LRRC4B: variants seen among roughly 807,000 people sequenced by gnomAD.
LRRC4B encodes leucine rich repeat containing 4B, also known as leucine-rich repeat-containing protein 4B.
Under a neutral mutation model 7.3 loss-of-function variants are expected in LRRC4B, and 1 was observed. The observed-to-expected ratio is 0.14, with a 90% CI of 0.05 to 0.65. LRRC4B has a LOEUF of 0.65. LRRC4B is among the 30% of genes least tolerant of loss of function. The probability of loss-of-function intolerance (pLI) is 0.84; values close to 1 mark genes in which losing one functional copy is unlikely to be tolerated. For missense variants in LRRC4B, 730 were observed against 1,041.6 expected (o/e 0.70, Z 4.12); for synonymous variants, 500 against 499.2 (o/e 1.00, Z -0.02).
At chr19:50,520,203 CAA>C (rs1173919963) in intron 2 of LRRC4B, among the ~76,000 whole-genome samples, 1 of 9,382 alleles carries the variant, frequency 1.1e-4, no homozygotes, top group Non-Finnish European at 1.9e-4. Flanking sequence ...AATACCCTGT[CAA>C]AAAAAAAAAA....
At chr19:50,535,147 C>CGA in intron 2 of LRRC4B, among the ~76,000 whole-genome samples, 1 of 151,944 alleles carries the variant, frequency 6.6e-6, no homozygotes, top group Admixed American at 6.6e-5. Flanking sequence ...GGATTACAGG[C>CGA]GTGACCCACC....
At chr19:50,565,669 G>A (rs896988133) in intron 1 of LRRC4B, among the ~76,000 whole-genome samples, 1 of 151,764 alleles carries the variant, frequency 6.6e-6, no homozygotes, top group Non-Finnish European at 1.5e-5. Context: ...AGTCAGAAGC[G>A]GCCTCTAATC....
At chr19:50,549,342 C>G (rs74435432) in intron 1 of LRRC4B, among the ~76,000 whole-genome samples, 4 of 152,338 alleles carry the variant, frequency 2.6e-5, no homozygotes, top group Admixed American at 2.0e-4. Flanking sequence ...TCCCAACACC[C>G]GCCCGGTCCC....
At chr19:50,524,181 AAAT>A (rs1180403745) in intron 2 of LRRC4B, among the ~76,000 whole-genome samples, 2 of 152,212 alleles carry the variant, frequency 1.3e-5, no homozygotes, top group Non-Finnish European at 2.9e-5. Flanking sequence ...CAGAATCATA[AAAT>A]AATAATAATG....
Position 50,548,416 on chromosome 19 carries a change from G to C in LRRC4B, c.297+126C>G, listed in dbSNP as rs1599779307. The C allele has an allele frequency of 7.6e-7, 1 of 1,314,794 alleles. No individual in the cohort carries two copies. Among genetic ancestry groups the C allele is most frequent in the Admixed American group, 2.1e-5 (1 of 48,204 alleles). 81.4% of individuals were successfully genotyped at this position (1,314,794 alleles called of 1,614,324 possible). The stretch of plus-strand genomic sequence containing the variant: ...CAGCTGATAGGATGCAGACCCGCAG[G>C]CCACATCCACAGGTGCCGGAGACGG... On this transcript the variant is annotated intron_variant, in intron 2 of 2. Coordinates refer to ENST00000652263, the MANE Select transcript of LRRC4B (RefSeq NM_001080457.2). This position sits in a 1 kb window ranked among gnomAD's most constrained non-coding sequence, Gnocchi z 6.8.
At chr19:50,520,304 T>C (rs1601369991) in intron 2 of LRRC4B, among the ~76,000 whole-genome samples, 1 of 133,938 alleles carries the variant, frequency 7.5e-6, no homozygotes, top group Non-Finnish European at 1.6e-5. Context: ...GAAAAAAAGA[T>C]AGTTACTTAG....
chr19:50,547,180 G>C (rs1981852673), intron 2 of LRRC4B, among the ~76,000 whole-genome samples: 1 of 152,204 alleles, frequency 6.6e-6, no homozygotes, highest in Non-Finnish European at 1.5e-5. Context: ...AAAGCAAACT[G>C]GCAGACATGG....
intron 2 of LRRC4B, among the ~76,000 whole-genome samples, chr19:50,535,360 C>T (rs1181863848): frequency 1.4e-4 from 22 of 151,968 alleles, no homozygotes; most frequent in African/African-American, 5.3e-4. Context: ...TTAGTAGAGA[C>T]AAGGTTTCAC....
rs560224118 is a variant in LRRC4B, at chr19:50,518,423, G to A, written c.1290C>T (p.Asp430=). The change falls in exon 3 of 3, where the codon GAC becomes GAT. Residue 430 remains aspartate, a synonymous_variant. Transcript: ENST00000652263. ...TLNFTNVTVQ[D]TGQYTCMVTN... is the part of the protein sequence containing the mutation. Reference sequence around the variant, plus strand: ...TCACCATGCACGTGTACTGGCCCGTGTCCTGCACGGTGACGTTGGTGAAGT... The same window carrying A: ...TCACCATGCACGTGTACTGGCCCGTATCCTGCACGGTGACGTTGGTGAAGT... 1.9e-6 allele frequency: 3 copies of A among 1,559,452 alleles called. No homozygotes were observed. The highest frequency in any genetic ancestry group is 1.9e-5 in the Admixed American group (1 of 52,248).
intron 1 of LRRC4B, among the ~76,000 whole-genome samples, chr19:50,567,500 C>T (rs1352183297): frequency 3.3e-5 from 5 of 151,836 alleles, no homozygotes; most frequent in Admixed American, 3.3e-4. Context: ...CTCCCCATCA[C>T]TGGCGTGCCC....
intron 2 of LRRC4B, among the ~76,000 whole-genome samples, chr19:50,545,112 CA>C (rs778283731): frequency 1.5e-3 from 187 of 122,014 alleles, no homozygotes; most frequent in Non-Finnish European, 1.5e-3. Flanking sequence ...GACTCCATCT[CA>C]AAAAAAAAAA....
At position 50,517,347 on chromosome 19, in the gene LRRC4B, G is replaced by T; in HGVS notation, c.*224C>A. On this transcript the variant is annotated 3_prime_UTR_variant, in exon 3 of 3. Coordinates refer to ENST00000652263, the MANE Select transcript of LRRC4B (RefSeq NM_001080457.2). This position sits in a 1 kb window ranked among gnomAD's most constrained non-coding sequence, Gnocchi z 6.6. ...CGTCCCCTCCCGTCACCGGGGATTGGCGGGGGTGAGGCGAGGATCCCAGAG... is the reference window on the plus strand; with the variant it reads ...CGTCCCCTCCCGTCACCGGGGATTGTCGGGGGTGAGGCGAGGATCCCAGAG... 5.2e-6 allele frequency: 2 copies of T among 385,186 alleles called. No individual in the cohort carries two copies. The highest frequency in any genetic ancestry group is 9.1e-6 in the Non-Finnish European group (2 of 219,224). 23.9% of individuals were successfully genotyped at this position (385,186 alleles called of 1,614,324 possible).
At chr19:50,554,125 C>T (rs1982194398) in intron 1 of LRRC4B, among the ~76,000 whole-genome samples, 2 of 151,452 alleles carry the variant, frequency 1.3e-5, no homozygotes, top group South Asian at 4.2e-4. Flanking sequence ...TCCTGAGTAG[C>T]TGAGACTACA....
In LRRC4B at chr19:50,519,445, G is replaced by A. The variant is rs1218306870; in HGVS notation, c.298-30C>T. 9 of 1,534,084 alleles carry A rather than the reference G, an allele frequency of 5.9e-6. No homozygotes were observed. The highest frequency in any genetic ancestry group is 7.9e-6 in the Non-Finnish European group (9 of 1,145,060). On this transcript the variant is annotated intron_variant, in intron 2 of 2. Coordinates refer to ENST00000652263, the MANE Select transcript of LRRC4B (RefSeq NM_001080457.2). The surrounding 1 kb of genome is among the most constrained non-coding windows in gnomAD (Gnocchi z 8.1). The stretch of plus-strand genomic sequence containing the variant: ...GGAGAGGGAGACACGGATCAGTCAC[G>A]GAGATACTGACGGGGACCGTGGGGG...
At chr19:50,525,808 C>T (rs536742773) in intron 2 of LRRC4B, among the ~76,000 whole-genome samples, 1 of 152,242 alleles carries the variant, frequency 6.6e-6, no homozygotes, top group South Asian at 2.1e-4. Context: ...TCCAGCCTCT[C>T]CTCTCCATGC....
Position 50,548,526 on chromosome 19 carries a change from C to T in LRRC4B, c.297+16G>A, listed in dbSNP as rs1192396328. On this transcript the variant is annotated intron_variant, in intron 2 of 2. Transcript: ENST00000652263. The surrounding 1 kb of genome is among the most constrained non-coding windows in gnomAD (Gnocchi z 6.8). ...GTCCCCTCCAAGGTCCCCCTCTGCC[C>T]GCTGGCCCCGCATACCTGGATGCCG... 8.2e-6 allele frequency: 13 copies of T among 1,581,350 alleles called. No individual in the cohort carries two copies. Among genetic ancestry groups the T allele is most frequent in the South Asian group, 3.4e-5 (3 of 87,986 alleles).
At position 50,532,635 on chromosome 19, in the gene LRRC4B, T is replaced by TCA. The variant is rs1433715679; in HGVS notation, c.298-13222_298-13221dup. 7.2e-5 allele frequency among the ~76,000 whole-genome samples: 11 copies of TCA among 152,126 alleles called. No homozygotes were observed. The East Asian group carries it at 9.7e-4, about 13-fold the overall frequency. On this transcript the variant is annotated intron_variant, in intron 2 of 2. Coordinates refer to ENST00000652263, the MANE Select transcript of LRRC4B (RefSeq NM_001080457.2). ...TTTTTGACCCCTGGTCCCTCATCAG[T>TCA]CACACACACACACTCTCTTATTAGA...
intron 1 of LRRC4B, among the ~76,000 whole-genome samples, chr19:50,565,526 C>CGTGTGTGT (rs67157266): frequency 0.014 from 2,074 of 147,294 alleles, 27 homozygotes; most frequent in African/African-American, 0.038. Context: ...TGTGTGCTCT[C>CGTGTGTGT]GTGTGTGTGT....
At position 50,562,788 on chromosome 19, in the gene LRRC4B, G is replaced by A. The variant is rs568406006; in HGVS notation, c.-36+5156C>T. Among the ~76,000 whole-genome samples, 18 of 146,018 alleles carry A rather than the reference G, an allele frequency of 1.2e-4. No individual in the cohort carries two copies. The South Asian group carries it at 3.4e-3, about 28-fold the overall frequency. ...GAGTTTTGCTCTTGTCGTCTAGGCT[G>A]GAGTACAATGGGCATGATCTCGGCT... On this transcript the variant is annotated intron_variant, in intron 1 of 2. Transcript: ENST00000652263.
Sources: allele counts gnomAD v4.1 joint callset (sites outside exome capture counted in the v4.1 genomes callset), GRCh38; gene constraint gnomAD v4.1.1; non-coding constraint Gnocchi (gnomAD v3.1); transcripts MANE v1.5; gene names NCBI Gene and HGNC (gene_info 2026-07-23, HGNC 2026-07-21).